KCNQ5: variants seen among roughly 807,000 people sequenced by gnomAD.
KCNQ5 encodes the protein potassium voltage-gated channel subfamily KQT member 5.
KCNQ5 carries 30 observed loss-of-function variants against 98.2 expected under a neutral mutation model. The ratio of observed to expected loss-of-function variants is 0.31; its 90% CI spans 0.23 to 0.41. The LOEUF is 0.41. Among genes scored for constraint, KCNQ5 ranks in the 10% least tolerant of loss-of-function variants. KCNQ5 has a pLI of 1.00. For missense variants in KCNQ5, 835 were observed against 1,182.5 expected, an observed-to-expected ratio of 0.71 and a Z score of 4.31; for synonymous variants, 458 against 449.4, an observed-to-expected ratio of 1.02 and a Z score of -0.24.
At chr6:73,015,243 T>A (rs1205709028) in intron 2 of KCNQ5, among the ~76,000 whole-genome samples, 1 of 152,072 alleles carries the variant, frequency 6.6e-6, no homozygotes, top group Admixed American at 6.6e-5. Context: ...AAAACTGCAG[T>A]TATTTTCCTT....
chr6:72,631,725 A>G (rs1171483676), intron 1 of KCNQ5, among the ~76,000 whole-genome samples: 1 of 152,220 alleles, frequency 6.6e-6, no homozygotes, highest in Non-Finnish European at 1.5e-5. Context: ...CCATATGTTC[A>G]CTTAGTTTGG....
intron 1 of KCNQ5, among the ~76,000 whole-genome samples, chr6:72,875,122 G>C (rs760350821): frequency 3.9e-5 from 6 of 152,102 alleles, no homozygotes; most frequent in Non-Finnish European, 8.8e-5. Context: ...TATGCATAAA[G>C]TGATGATTAA....
intron 3 of KCNQ5, among the ~76,000 whole-genome samples, chr6:73,057,341 A>AGGGGGGGGGGGGAG (rs59958068): frequency 1.1e-5 from 1 of 92,566 alleles, no homozygotes; most frequent in African/African-American, 4.2e-5. Context: ...GGTGGGGGGA[A>AGGGGGGGGGGGGAG]GGGGGGGAGG....
intron 1 of KCNQ5, among the ~76,000 whole-genome samples, chr6:72,918,515 T>G (rs2150214025): frequency 6.6e-6 from 1 of 152,072 alleles, no homozygotes; most frequent in South Asian, 2.1e-4. Flanking sequence ...AAGGCACATT[T>G]TATTCCTCCA....
intron 11 of KCNQ5, among the ~76,000 whole-genome samples, chr6:73,187,349 ACG>A (rs1260328536): frequency 6.6e-6 from 1 of 152,136 alleles, no homozygotes; most frequent in Admixed American, 6.5e-5. Context: ...GTGAGCCACC[ACG>A]CCCGGCCTAA....
At chr6:72,687,605 G>C (rs1768018833) in intron 1 of KCNQ5, among the ~76,000 whole-genome samples, 1 of 152,202 alleles carries the variant, frequency 6.6e-6, no homozygotes, top group Non-Finnish European at 1.5e-5. Context: ...GAGATAAAAA[G>C]TGAAAGCATA....
intron 1 of KCNQ5, among the ~76,000 whole-genome samples, chr6:72,691,621 A>T (rs550779876): frequency 1.2e-4 from 18 of 152,346 alleles, no homozygotes; most frequent in African/African-American, 4.1e-4. Flanking sequence ...GAATAGAAAC[A>T]GGAATATTAG....
At chr6:73,140,624 A>G (rs931880510) in intron 10 of KCNQ5, among the ~76,000 whole-genome samples, 22 of 152,226 alleles carry the variant, frequency 1.4e-4, no homozygotes, top group African/African-American at 4.3e-4. Context: ...TTTAATGTTA[A>G]GAACAAAAGG....
chr6:72,941,402 C>CT, intron 1 of KCNQ5, among the ~76,000 whole-genome samples: 1 of 115,716 alleles, frequency 8.6e-6, no homozygotes, highest in South Asian at 3.3e-4. Flanking sequence ...CTCCTTTCCT[C>CT]CTTCCCTCCC....
At chr6:72,758,083 C>A (rs1479166485) in intron 1 of KCNQ5, among the ~76,000 whole-genome samples, 3 of 151,772 alleles carry the variant, frequency 2.0e-5, no homozygotes, top group Non-Finnish European at 4.4e-5. Context: ...GCCCAGAGGT[C>A]CCCCAGGCAG....
chr6:73,060,162 C>T (rs1772717076), intron 3 of KCNQ5, among the ~76,000 whole-genome samples: 1 of 152,060 alleles, frequency 6.6e-6, no homozygotes, highest in African/African-American at 2.4e-5. Flanking sequence ...TCAGAAATTG[C>T]CCTATTCTTA....
intron 1 of KCNQ5, among the ~76,000 whole-genome samples, chr6:72,781,303 C>T (rs2154477874): frequency 6.6e-6 from 1 of 152,278 alleles, no homozygotes. Context: ...TCCCTAGAGT[C>T]TTCATAGGGA....
chr6:72,622,169 C>G lies in KCNQ5; in HGVS notation c.-21C>G. On this transcript the variant is annotated 5_prime_UTR_variant, in exon 1 of 14. Coordinates refer to ENST00000370398, the MANE Select transcript of KCNQ5 (RefSeq NM_019842.4). This position sits in a 1 kb window ranked among gnomAD's most constrained non-coding sequence, Gnocchi z 6.0. ...CCGCCGCAGGCGCTGGCGGCCCCCT[C>G]GCGGTGCCCGTGGTGATGCCATGCC... The G allele has an allele frequency of 8.2e-7, 1 of 1,218,806 alleles. No homozygotes were observed. The highest frequency in any genetic ancestry group is 1.0e-6 in the Non-Finnish European group (1 of 979,594). The allele number at this position is 1,218,806 out of a possible 1,614,324, so 75.5% of individuals were successfully genotyped here.
chr6:72,851,221 C>T (rs1437325495), intron 1 of KCNQ5, among the ~76,000 whole-genome samples: 1 of 152,124 alleles, frequency 6.6e-6, no homozygotes. Flanking sequence ...GAACATCTTG[C>T]AAATTTATTT....
intron 1 of KCNQ5, among the ~76,000 whole-genome samples, chr6:72,945,900 A>G (rs550741509): frequency 5.7e-4 from 86 of 152,210 alleles, no homozygotes; most frequent in Non-Finnish European, 6.9e-4. Context: ...AAATTTTAAC[A>G]TTTAATCTCA....
At chr6:72,853,436 C>T (rs1777379834) in intron 1 of KCNQ5, among the ~76,000 whole-genome samples, 1 of 151,042 alleles carries the variant, frequency 6.6e-6, no homozygotes, top group African/African-American at 2.5e-5. Context: ...TGTCGCCTCC[C>T]AGCTTCAAGC....
At chr6:72,981,652 A>G (rs2150298174) in intron 1 of KCNQ5, among the ~76,000 whole-genome samples, 1 of 152,072 alleles carries the variant, frequency 6.6e-6, no homozygotes, top group South Asian at 2.1e-4. Flanking sequence ...TTGTGTCTCT[A>G]ACTCCTTCAG....
intron 5 of KCNQ5, among the ~76,000 whole-genome samples, chr6:73,085,588 A>G (rs9446835): frequency 0.2 from 31,129 of 152,150 alleles, 6,990 homozygotes; most frequent in African/African-American, 0.56. Flanking sequence ...ACCGGAGTGT[A>G]GGGAGAAAGT....
In KCNQ5 at chr6:73,120,493, G is replaced by A. The variant is rs577164847; in HGVS notation, c.1136G>A (p.Arg379His). ...PAANLIQCVW[R>H]SYAADEKSVS... The stretch of plus-strand genomic sequence containing the variant: ...CTATGCCACATGCAGTGTGTTTGGC[G>A]TAGTTACGCAGCTGATGAGAAATCT... Residue 379 changes from arginine (R) to histidine (H), a missense_variant, in exon 8 of 14, where the codon CGT (arginine) becomes CAT (histidine). Arg to His is a conservative substitution (Grantham distance 29). Transcript: ENST00000370398. 8.1e-6 allele frequency: 13 copies of A among 1,610,102 alleles called. No individual in the cohort carries two copies. The highest frequency in any genetic ancestry group is 2.2e-5 in the South Asian group (2 of 90,522).
Sources: allele counts gnomAD v4.1 joint callset (sites outside exome capture counted in the v4.1 genomes callset), GRCh38; gene constraint gnomAD v4.1.1; non-coding constraint Gnocchi (gnomAD v3.1); transcripts MANE v1.5; gene names NCBI Gene and HGNC (gene_info 2026-07-23, HGNC 2026-07-21).